The following ZSCAN32 variants were observed in gnomAD, a reference collection of about 807,000 sequenced individuals.
ZSCAN32 encodes zinc finger and SCAN domain-containing protein 32.
A neutral mutation model predicts 47.4 loss-of-function variants in ZSCAN32; 52 were observed. The ratio of observed to expected loss-of-function variants is 1.10; its 90% CI spans 0.88 to 1.38. The LOEUF (loss-of-function observed/expected upper bound fraction) is 1.38. Ranked by LOEUF, ZSCAN32 falls within the 40% of genes most tolerant of loss-of-function variation. The pLI is 0.00. For missense variants in ZSCAN32, 959 were observed against 846.0 expected, an observed-to-expected ratio of 1.13 and a Z score of -1.66; for synonymous variants, 346 against 305.7, an observed-to-expected ratio of 1.13 and a Z score of -1.38.
At chr16:3,397,838 C>CCA in intron 1 of ZSCAN32, 94 bp from the exon 2 acceptor site, 1 of 253,342 alleles carries the variant, frequency 3.9e-6, no homozygotes, top group Non-Finnish European at 7.5e-6. Context: ...TTTACTCCCT[C>CCA]CACAAATCTA....
In ZSCAN32 at chr16:3,384,707, C is replaced by A. The variant is rs200719883; in HGVS notation, c.986G>T (p.Cys329Phe). The stretch of plus-strand genomic sequence containing the variant: ...AGCATTCATTTCCTCATAAAAGATA[C>A]AAGGCTCAGGCACACGGCCTCTCCT... ...KVRRGRVPEP[C>F]IFYEEMNALS... Residue 329 changes from cysteine to phenylalanine, a missense_variant, in exon 6 of 7, where the codon TGT (cysteine) becomes TTT (phenylalanine). Coordinates refer to ENST00000396852, the MANE Select transcript of ZSCAN32 (RefSeq NM_001284527.2). The A allele has an allele frequency of 6.8e-6, 11 of 1,614,050 alleles. No individual in the cohort carries two copies. The Middle Eastern group carries it at 9.9e-4, about 145-fold the overall frequency.
At chr16:3,393,495 G>C (rs1257087803) in intron 3 of ZSCAN32, among the ~76,000 whole-genome samples, 154 bp downstream of exon 3, 2 of 151,134 alleles carry the variant, frequency 1.3e-5, no homozygotes, top group African/African-American at 4.9e-5. Context: ...AAGGTGCTGG[G>C]ATTACAGGCG....
chr16:3,390,544 A>C, intron 3 of ZSCAN32, 27 bp from the exon 4 acceptor site: 1 of 1,536,118 alleles, frequency 6.5e-7, no homozygotes, highest in Non-Finnish European at 8.8e-7. Flanking sequence ...CCGCTATTAG[A>C]GGGCGGCTTC....
At chr16:3,394,216 A>G (rs1266825450) in intron 2 of ZSCAN32, among the ~76,000 whole-genome samples, 1 of 152,176 alleles carries the variant, frequency 6.6e-6, no homozygotes, top group Non-Finnish European at 1.5e-5. Context: ...CAGTGATCCA[A>G]GATCACGCCA....
At chr16:3,389,903 C>A in intron 5 of ZSCAN32, 107 bp downstream of exon 5, 2 of 1,189,998 alleles carry the variant, frequency 1.7e-6, no homozygotes, top group Non-Finnish European at 2.3e-6. Context: ...TTTCCCTCCA[C>A]CCAACAGTCT....
At chr16:3,396,602 A>C (rs1453124203) in intron 2 of ZSCAN32, among the ~76,000 whole-genome samples, 2 of 152,066 alleles carry the variant, frequency 1.3e-5, no homozygotes, top group Admixed American at 1.3e-4. Flanking sequence ...TCCACAACCG[A>C]AGCTGGTATG....
Position 3,397,513 on chromosome 16 carries a change from G to GT in ZSCAN32, c.44dup (p.Asn15LysfsTer15). The GT allele has an allele frequency of 1.9e-6, 3 of 1,549,998 alleles. No individual in the cohort carries two copies. ...ATTTCTGGCCCTGTGTGGGATCCTTGTTTGAGGATGGGTGTGCCTCGGTAC... is the reference window on the plus strand; with the variant it reads ...ATTTCTGGCCCTGTGTGGGATCCTTGTTTTGAGGATGGGTGTGCCTCGGTAC... On this transcript the variant is annotated frameshift_variant, in exon 2 of 7. Coordinates refer to ENST00000396852, the MANE Select transcript of ZSCAN32 (RefSeq NM_001284527.2). LOFTEE classifies it high-confidence loss of function.
intron 2 of ZSCAN32, among the ~76,000 whole-genome samples, chr16:3,394,859 C>G (rs1044766825): frequency 3.3e-5 from 5 of 152,136 alleles, no homozygotes; most frequent in Admixed American, 1.3e-4. Context: ...GTCTGGAGTA[C>G]TCTCCTCCCA....
Position 3,397,368 on chromosome 16 carries a change from GACA to G in ZSCAN32, c.187_189del (p.Cys63del). The G allele has an allele frequency of 1.3e-6, 2 of 1,556,754 alleles. No individual in the cohort carries two copies. Among genetic ancestry groups the G allele is most frequent in the Non-Finnish European group, 1.7e-6 (2 of 1,150,532 alleles). ...GAGTGGGTCTTCGGCCTCAGCCACT[GACA>G]ACAGAGTTCCCAGAGTTTGCTAAAA... On this transcript the variant is annotated inframe_deletion, in exon 2 of 7. Coordinates refer to ENST00000396852, the MANE Select transcript of ZSCAN32 (RefSeq NM_001284527.2).
chr16:3,395,115 T>A (rs1190418234), intron 2 of ZSCAN32, among the ~76,000 whole-genome samples: 2 of 152,208 alleles, frequency 1.3e-5, no homozygotes, highest in Non-Finnish European at 2.9e-5. Context: ...ATATCAACGG[T>A]CACTGAAAAT....
chr16:3,398,656 C>T lies in ZSCAN32; in HGVS notation c.-187-912G>A, dbSNP rs115449124. 6.6e-3 allele frequency among the ~76,000 whole-genome samples: 1,005 copies of T among 152,278 alleles called. 6 individuals are homozygous for T. The highest frequency in any genetic ancestry group is 0.023 in the African/African-American group (947 of 41,552). ...GACGAATTACTCAAACTGTTCCTGA[C>T]GATATAGTTCACCTGTTCCTTCCCT... On this transcript the variant is annotated intron_variant, in intron 1 of 6. Transcript: ENST00000396852.
chr16:3,397,113 A>C, intron 2 of ZSCAN32, 79 bp downstream of exon 2: 1 of 1,455,564 alleles, frequency 6.9e-7, no homozygotes, highest in Non-Finnish European at 9.1e-7. Flanking sequence ...TGTGTTTCTC[A>C]ACCAAGCACC....
Position 3,397,632 on chromosome 16 carries a change from G to T in ZSCAN32, c.-75C>A. On this transcript the variant is annotated 5_prime_UTR_variant, in exon 2 of 7. Transcript: ENST00000396852. ...CAGAGTCCATCTTTCCCACATCACTGGGAAGCCATGTTCTCCTGCAAGGAA... is the reference window on the plus strand; with the variant it reads ...CAGAGTCCATCTTTCCCACATCACTTGGAAGCCATGTTCTCCTGCAAGGAA... 6.9e-7 allele frequency: 1 copy of T among 1,441,948 alleles called. No homozygotes were observed. Among genetic ancestry groups the T allele is most frequent in the South Asian group, 1.5e-5 (1 of 67,764 alleles). The allele number at this position is 1,441,948 out of a possible 1,614,324, so 89.3% of individuals were successfully genotyped here.
intron 1 of ZSCAN32, among the ~76,000 whole-genome samples, chr16:3,398,822 T>G (rs1206305879): frequency 6.6e-6 from 1 of 152,172 alleles, no homozygotes; most frequent in Non-Finnish European, 1.5e-5. Context: ...TTACTATTAC[T>G]CCACACACAC....
At chr16:3,385,728 C>A (rs1273302035) in intron 5 of ZSCAN32, among the ~76,000 whole-genome samples, 2 of 152,016 alleles carry the variant, frequency 1.3e-5, no homozygotes, top group Admixed American at 6.6e-5. Flanking sequence ...TGCTGGGAAA[C>A]CTGGCTAGCC....
At chr16:3,389,438 G>A (rs2032402800) in intron 5 of ZSCAN32, among the ~76,000 whole-genome samples, 1 of 152,212 alleles carries the variant, frequency 6.6e-6, no homozygotes, top group African/African-American at 2.4e-5. Context: ...CATGGTCAGG[G>A]AGGCTGCTCT....
In ZSCAN32 at chr16:3,383,319, G is replaced by T; in HGVS notation, c.1627C>A (p.His543Asn). Residue 543 changes from histidine to asparagine, a missense_variant, in exon 7 of 7, where the codon CAC becomes AAC. His to Asn is a moderately conservative substitution (Grantham distance 68). Coordinates refer to ENST00000396852, the MANE Select transcript of ZSCAN32 (RefSeq NM_001284527.2). ...SSYLVRHQRI[H>N]TGEKPHKCSE... The stretch of plus-strand genomic sequence containing the variant: ...CACTTGTGAGGCTTCTCGCCTGTGT[G>T]GATTCTTTGATGCCGAACAAGATAA... The T allele has an allele frequency of 1.9e-6, 3 of 1,614,112 alleles. No individual in the cohort carries two copies. Among genetic ancestry groups the T allele is most frequent in the Non-Finnish European group, 2.5e-6 (3 of 1,180,024 alleles).
At chr16:3,398,826 C>T (rs565666065) in intron 1 of ZSCAN32, among the ~76,000 whole-genome samples, 1 of 152,248 alleles carries the variant, frequency 6.6e-6, no homozygotes, top group South Asian at 2.1e-4. Flanking sequence ...TATTACTCCA[C>T]ACACACACAA....
chr16:3,383,137 CT>C lies in ZSCAN32; in HGVS notation c.1808del (p.Lys603SerfsTer82), dbSNP rs1263624462. On this transcript the variant is annotated frameshift_variant, in exon 7 of 7. Coordinates refer to ENST00000396852, the MANE Select transcript of ZSCAN32 (RefSeq NM_001284527.2). LOFTEE classifies it low-confidence loss of function (END_TRUNC). The part of the protein sequence containing the change: ...IVHQRTHTGE[K>X]PYQCIVCGKR... ...TTCCACAGACAATGCACTGGTAAGG[CT>C]TTTCCCCGGTATGGGTCCTCTGGTG... 6.2e-7 allele frequency: 1 copy of C among 1,614,072 alleles called. No individual in the cohort carries two copies. The highest frequency in any genetic ancestry group is 8.5e-7 in the Non-Finnish European group (1 of 1,180,052).
Sources: allele counts gnomAD v4.1 joint callset (sites outside exome capture counted in the v4.1 genomes callset), GRCh38; gene constraint gnomAD v4.1.1; transcripts MANE v1.5; gene names NCBI Gene and HGNC (gene_info 2026-07-23, HGNC 2026-07-21).